Variants in IRS2 observed in about 807,000 individuals in gnomAD.
IRS2 encodes insulin receptor substrate 2.
Under a neutral mutation model 70.9 loss-of-function variants are expected in IRS2, and 28 were observed. The ratio of observed to expected loss-of-function variants is 0.39; its 90% confidence interval spans 0.29 to 0.54. The LOEUF is 0.54. Ranked by LOEUF, IRS2 falls within the 20% of genes least tolerant of loss-of-function variation. The pLI is 0.59. For synonymous variants in IRS2, 1,217 were observed against 981.9 expected (o/e 1.24, Z -4.48); for missense variants, 2,081 against 2,024.1 (o/e 1.03, Z -0.54).
At chr13:109,781,393 A>G (rs1409259772) in intron 1 of IRS2, among the ~76,000 whole-genome samples, 1 of 152,190 alleles carries the variant, frequency 6.6e-6, no homozygotes, top group African/African-American at 2.4e-5. Context: ...CAAGTTGAAC[A>G]CCACTGCATT....
chr13:109,772,687 CA>C lies in IRS2; in HGVS notation c.4012+9354del, dbSNP rs1409448033. 4.4e-5 allele frequency among the ~76,000 whole-genome samples: 5 copies of C among 114,718 alleles called. 1 individual carries two copies. The South Asian group carries it at 1.1e-3, about 26-fold the overall frequency. 75.3% of individuals were successfully genotyped at this position (114,718 alleles called of 152,430 possible). On this transcript the variant is annotated intron_variant, in intron 1 of 1. Coordinates refer to ENST00000375856, the MANE Select transcript of IRS2 (RefSeq NM_003749.3). Reference sequence around the variant, plus strand: ...TTCCAGGCCACAGATTTGCCTATTACATTTTTTTTTTTTTTTTTTGAGACGG... The same window carrying C: ...TTCCAGGCCACAGATTTGCCTATTACTTTTTTTTTTTTTTTTTTGAGACGG...
rs1031642194 is a variant in IRS2, at chr13:109,783,705, G to T, written c.2349C>A (p.Phe783Leu). The part of the protein sequence containing the change: ...DAVTTGTPPD[F>L]FSAALHPGGE... ...CGCCGGGGTGCAGGGCTGCGGAGAA[G>T]AAGTCGGGCGGGGTGCCCGTGGTGA... Residue 783 changes from phenylalanine to leucine, a missense_variant, in exon 1 of 2, where the codon TTC (phenylalanine) becomes TTA (leucine). This residue lies in a region of IRS2 where 1,615 missense variants were observed against 1,459.5 expected (regional missense o/e 1.11). Transcript: ENST00000375856. 8.9e-6 allele frequency: 14 copies of T among 1,568,144 alleles called. No individual in the cohort carries two copies. Among genetic ancestry groups the T allele is most frequent in the Non-Finnish European group, 1.1e-5 (13 of 1,156,664 alleles).
chr13:109,775,052 G>A (rs1238374230), intron 1 of IRS2, among the ~76,000 whole-genome samples: 1 of 150,914 alleles, frequency 6.6e-6, no homozygotes, highest in Non-Finnish European at 1.5e-5. Flanking sequence ...AATGCATACA[G>A]AAAGCACTGT....
chr13:109,782,040 A>C lies in IRS2; in HGVS notation c.4012+2T>G. ...AGACGCCAAGGCAAAGGGCCTCCTC[A>C]CCTTTCACGATGGTGGCCTCCTTCA... On this transcript the variant is annotated splice_donor_variant, in intron 1 of 1. Transcript: ENST00000375856. LOFTEE classifies it high-confidence loss of function. 1 of 1,612,098 alleles carries C rather than the reference A, an allele frequency of 6.2e-7. No individual in the cohort carries two copies. Among genetic ancestry groups the C allele is most frequent in the Non-Finnish European group, 8.5e-7 (1 of 1,179,728 alleles).
rs1003315016 is a variant in IRS2, at chr13:109,755,828, C to T, written c.*476G>A. On this transcript the variant is annotated 3_prime_UTR_variant, in exon 2 of 2. Transcript: ENST00000375856. ...CTGTGGGACCCCCGCCACGGAAATC[C>T]GGCTTTACCTTGAACTGAGGTAGGA... 7 of 226,462 alleles carry T rather than the reference C, an allele frequency of 3.1e-5. No homozygotes were observed. The highest frequency in any genetic ancestry group is 5.1e-5 in the Admixed American group (1 of 19,492). 14.0% of individuals were successfully genotyped at this position (226,462 alleles called of 1,614,324 possible).
chr13:109,785,002 G>C lies in IRS2; in HGVS notation c.1052C>G (p.Pro351Arg). The C allele has an allele frequency of 2.1e-6, 3 of 1,409,258 alleles. No homozygotes were observed. Among genetic ancestry groups the C allele is most frequent in the Non-Finnish European group, 1.8e-6 (2 of 1,087,712 alleles). 87.3% of individuals were successfully genotyped at this position (1,409,258 alleles called of 1,614,324 possible). A position where few individuals can be genotyped will look rare whatever the true frequency, so the allele number is the denominator to read the frequency against. ...RSRTDSLAAT[P>R]PAAKCSSCRV... ...GCACGAGCTGCACTTGGCCGCCGGC[G>C]GGGTGGCGGCCAGGCTGTCGGTGCG... Residue 351 changes from proline to arginine, a missense_variant, in exon 1 of 2, where the codon CCG (proline) becomes CGG (arginine). Coordinates refer to ENST00000375856, the MANE Select transcript of IRS2 (RefSeq NM_003749.3). The surrounding 1 kb of genome is among the most constrained non-coding windows in gnomAD (Gnocchi z 9.3).
At position 109,785,783 on chromosome 13, in the gene IRS2, G is replaced by A. The variant is rs776493252; in HGVS notation, c.271C>T (p.Arg91Trp). The A allele has an allele frequency of 6.3e-7, 1 of 1,587,180 alleles. No homozygotes were observed. The highest frequency in any genetic ancestry group is 8.5e-7 in the Non-Finnish European group (1 of 1,174,200). ...KWRSKAGAPKRVIALDCCLNI... is the reference protein window; with the variant it reads ...KWRSKAGAPKWVIALDCCLNI... ...AGGCAGCAGTCGAGAGCGATCACCC[G>A]TTTCGGCGCGCCTGCCTTGCTCCGC... Residue 91 changes from arginine to tryptophan, a missense_variant, in exon 1 of 2, where the codon CGG becomes TGG. By Grantham distance (101) the Arg-to-Trp change is moderately radical. Coordinates refer to ENST00000375856, the MANE Select transcript of IRS2 (RefSeq NM_003749.3). This position sits in a 1 kb window ranked among gnomAD's most constrained non-coding sequence, Gnocchi z 9.3.
chr13:109,775,102 T>C (rs1032574611), intron 1 of IRS2, among the ~76,000 whole-genome samples: 1 of 143,896 alleles, frequency 6.9e-6, no homozygotes, highest in African/African-American at 2.5e-5. Flanking sequence ...ATTAATACTA[T>C]GCAAAATCTT....
chr13:109,762,033 C>T (rs1877238003), intron 1 of IRS2, among the ~76,000 whole-genome samples: 1 of 152,188 alleles, frequency 6.6e-6, no homozygotes, highest in African/African-American at 2.4e-5. Flanking sequence ...GCCTCCTAAA[C>T]TTTTACCTAC....
At chr13:109,774,098 G>A (rs1043687328) in intron 1 of IRS2, among the ~76,000 whole-genome samples, 2 of 151,796 alleles carry the variant, frequency 1.3e-5, no homozygotes, top group South Asian at 2.1e-4. Flanking sequence ...TATTTTTTTC[G>A]TATTGTCACC....
In IRS2 at chr13:109,783,711, G is replaced by A. The variant is rs35894564; in HGVS notation, c.2343C>T (p.Pro781=). 8.1e-4 allele frequency: 1,273 copies of A among 1,571,020 alleles called. 19 individuals carry two copies. In the East Asian group the frequency reaches 0.022, roughly 28 times the overall value. The stretch of plus-strand genomic sequence containing the variant: ...GGTGCAGGGCTGCGGAGAAGAAGTC[G>A]GGCGGGGTGCCCGTGGTGACCGCGT... ...PSDAVTTGTP[P]DFFSAALHPG... The change falls in exon 1 of 2, where the codon CCC becomes CCT. Residue 781 remains proline, a synonymous_variant. Transcript: ENST00000375856.
In IRS2 at chr13:109,784,576, C is replaced by T; in HGVS notation, c.1478G>A (p.Ser493Asn). 7.2e-7 allele frequency: 1 copy of T among 1,387,160 alleles called. No individual in the cohort carries two copies. The highest frequency in any genetic ancestry group is 9.3e-7 in the Non-Finnish European group (1 of 1,076,050). The allele number at this position is 1,387,160 out of a possible 1,614,324, so 85.9% of individuals were successfully genotyped here. A position where few individuals can be genotyped will look rare whatever the true frequency, so the allele number is the denominator to read the frequency against. The change falls in exon 1 of 2, where the codon AGC (serine) becomes AAC (asparagine). Residue 493 changes from serine to asparagine, a missense_variant. This residue lies in a region of IRS2 where 1,615 missense variants were observed against 1,459.5 expected (regional missense o/e 1.11). Coordinates refer to ENST00000375856, the MANE Select transcript of IRS2 (RefSeq NM_003749.3). The surrounding 1 kb of genome is among the most constrained non-coding windows in gnomAD (Gnocchi z 5.2). ...GTCCAGGGACATGAAGCCGGGGTCG[C>T]TGGGGGAGCCCGAGGCGGAGGCGCT... ...SGSASASGSP[S>N]DPGFMSLDEY...
chr13:109,784,337 T>G lies in IRS2; in HGVS notation c.1717A>C (p.Lys573Gln), dbSNP rs1334323076. Residue 573 changes from lysine (K) to glutamine (Q), a missense_variant, in exon 1 of 2, where the codon AAG becomes CAG. Physicochemically the swap from Lys to Gln is moderately conservative, Grantham distance 53. Transcript: ENST00000375856. This position sits in a 1 kb window ranked among gnomAD's most constrained non-coding sequence, Gnocchi z 5.2. Reference protein sequence around the residue: ...AAQDLDRGLRKRTYSLTTPAR... With the variant: ...AAQDLDRGLRQRTYSLTTPAR... ...GGCGTGGTCAGGGAGTAGGTCCTCT[T>G]GCGCAGCCCTCGGTCCAGGTCCTGG... 1.2e-6 allele frequency: 2 copies of G among 1,608,106 alleles called. No individual in the cohort carries two copies. Among genetic ancestry groups the G allele is most frequent in the Admixed American group, 1.7e-5 (1 of 59,902 alleles).
chr13:109,776,273 T>G (rs1319090482), intron 1 of IRS2, among the ~76,000 whole-genome samples: 1 of 152,228 alleles, frequency 6.6e-6, no homozygotes, highest in African/African-American at 2.4e-5. Context: ...AAAAACACAG[T>G]AAGCAAGGAA....
chr13:109,772,728 G>A (rs1383589248), intron 1 of IRS2, among the ~76,000 whole-genome samples: 3 of 140,928 alleles, frequency 2.1e-5, no homozygotes, highest in Non-Finnish European at 4.5e-5. Context: ...TCGCTCTGTC[G>A]GCCAGGCCGG....
In IRS2 at chr13:109,785,577, G is replaced by A. The variant is rs1284590042; in HGVS notation, c.477C>T (p.Pro159=). The part of the protein sequence containing the change: ...AAGDAPPAAA[P]AASCSASLPG... Reference sequence around the variant, plus strand: ...GCAGGGAGGCGCTGCAGGACGCGGCGGGCGCGGCGGCGGGGGGCGCGTCTC... The same window carrying A: ...GCAGGGAGGCGCTGCAGGACGCGGCAGGCGCGGCGGCGGGGGGCGCGTCTC... Residue 159 remains proline (P), a synonymous_variant, in exon 1 of 2, where the codon CCC becomes CCT. Transcript: ENST00000375856. The surrounding 1 kb of genome is among the most constrained non-coding windows in gnomAD (Gnocchi z 9.3). 1.5e-6 allele frequency: 2 copies of A among 1,310,306 alleles called. No individual in the cohort carries two copies. Among genetic ancestry groups the A allele is most frequent in the Non-Finnish European group, 1.9e-6 (2 of 1,031,854 alleles). The allele number at this position is 1,310,306 out of a possible 1,614,324, so 81.2% of individuals were successfully genotyped here. A position where few individuals can be genotyped will look rare whatever the true frequency, so the allele number is the denominator to read the frequency against.
At chr13:109,775,605 C>T (rs1377504555) in intron 1 of IRS2, among the ~76,000 whole-genome samples, 1 of 152,016 alleles carries the variant, frequency 6.6e-6, no homozygotes, top group African/African-American at 2.4e-5. Flanking sequence ...TTTGTACTAA[C>T]TGTATAGGGA....
At position 109,783,830 on chromosome 13, in the gene IRS2, A is replaced by G. The variant is rs1302515567; in HGVS notation, c.2224T>C (p.Tyr742His). The G allele has an allele frequency of 6.3e-7, 1 of 1,584,898 alleles. No individual in the cohort carries two copies. ...TTGGAACCGCACCACATGCGCATGT[A>G]CCCACTGTCCTCGGGGGAGCTCTCG... ...PAESSPEDSG[Y>H]MRMWCGSKLS... Residue 742 changes from tyrosine (Y) to histidine (H), a missense_variant, in exon 1 of 2, where the codon TAC (tyrosine) becomes CAC (histidine). Tyr to His is a moderately conservative substitution (Grantham distance 83). Coordinates refer to ENST00000375856, the MANE Select transcript of IRS2 (RefSeq NM_003749.3).
In IRS2 at chr13:109,784,307, G is replaced by A. The variant is rs1200592095; in HGVS notation, c.1747C>T (p.Arg583Trp). The A allele has an allele frequency of 1.2e-6, 2 of 1,600,404 alleles. No individual in the cohort carries two copies. Among genetic ancestry groups the A allele is most frequent in the Admixed American group, 1.7e-5 (1 of 59,530 alleles). The change falls in exon 1 of 2, where the codon CGG becomes TGG. Residue 583 changes from arginine to tryptophan, a missense_variant. Physicochemically the swap from Arg to Trp is moderately radical, Grantham distance 101. This residue lies in a region of IRS2 where 1,615 missense variants were observed against 1,459.5 expected (regional missense o/e 1.11). Transcript: ENST00000375856. The surrounding 1 kb of genome is among the most constrained non-coding windows in gnomAD (Gnocchi z 5.2). ...KRTYSLTTPARQRPVPQPSSA... is the reference protein window; with the variant it reads ...KRTYSLTTPAWQRPVPQPSSA... ...GAGGGCTGGGGCACCGGCCGCTGCC[G>A]GGCTGGCGTGGTCAGGGAGTAGGTC...
Sources: gnomAD v4.1 joint callset for allele counts (sites outside exome capture counted in the v4.1 genomes callset) on GRCh38, gnomAD v4.1.1 for gene constraint, gnomAD v4.1.1 regional missense constraint, Gnocchi (gnomAD v3.1) non-coding constraint, MANE v1.5 for transcripts, NCBI Gene and HGNC (gene_info 2026-07-23, HGNC 2026-07-21) for gene names.